Variants in XKR4 observed in about 807,000 individuals in gnomAD.
XKR4 encodes the protein XK related 4.
XKR4 carries 12 observed loss-of-function variants against 53.9 expected under a neutral mutation model. The ratio of observed to expected loss-of-function variants is 0.22; its 90% confidence interval spans 0.14 to 0.36. XKR4 has a LOEUF of 0.36. Ranked by LOEUF, XKR4 falls within the 10% of genes least tolerant of loss-of-function variation. The pLI is 1.00. For synonymous variants in XKR4, 354 were observed against 362.4 expected, an observed-to-expected ratio of 0.98 and a Z score of 0.26; for missense variants, 799 against 859.5, an observed-to-expected ratio of 0.93 and a Z score of 0.88.
chr8:55,359,219 G>A (rs895274800), intron 2 of XKR4, among the ~76,000 whole-genome samples: 12 of 152,200 alleles, frequency 7.9e-5, no homozygotes, highest in Non-Finnish European at 1.0e-4. Context: ...ACTGTTTTTC[G>A]TTGCGTCTGG....
chr8:55,144,520 G>C lies in XKR4; in HGVS notation c.806+41226G>C, dbSNP rs114663242. Reference sequence around the variant, plus strand: ...CGTTGCCATGATGGATTTTGGCCTAGTGCTGTTAGATCTTCCAATTTTTCA... The same window carrying C: ...CGTTGCCATGATGGATTTTGGCCTACTGCTGTTAGATCTTCCAATTTTTCA... On this transcript the variant is annotated intron_variant, in intron 1 of 2. Transcript: ENST00000327381. 3.8e-3 allele frequency among the ~76,000 whole-genome samples: 582 copies of C among 152,252 alleles called. 8 individuals carry two copies. The highest frequency in any genetic ancestry group is 0.014 in the African/African-American group (561 of 41,552).
intron 1 of XKR4, among the ~76,000 whole-genome samples, chr8:55,346,713 G>GTGTGTGTC (rs1401430744): frequency 1.3e-5 from 2 of 149,866 alleles, no homozygotes; most frequent in African/African-American, 4.9e-5. Flanking sequence ...GTGTGTGTGT[G>GTGTGTGTC]TGTGTGTGTG....
At chr8:55,363,804 A>C (rs1366971739) in intron 2 of XKR4, among the ~76,000 whole-genome samples, 1 of 152,150 alleles carries the variant, frequency 6.6e-6, no homozygotes, top group Admixed American at 6.5e-5. Context: ...TCTAGGCTCC[A>C]GGTCCCTCTG....
intron 1 of XKR4, among the ~76,000 whole-genome samples, chr8:55,292,345 G>T (rs1363016585): frequency 1.3e-5 from 2 of 151,830 alleles, no homozygotes; most frequent in African/African-American, 4.8e-5. Flanking sequence ...AAGTTATAGG[G>T]GTATTCAAGT....
chr8:55,274,024 T>C (rs1730360019), intron 1 of XKR4, among the ~76,000 whole-genome samples: 1 of 152,210 alleles, frequency 6.6e-6, no homozygotes, highest in Non-Finnish European at 1.5e-5. Context: ...GGCTTATTTG[T>C]CCAGAGTCAT....
At chr8:55,396,244 T>G (rs1439535908) in intron 2 of XKR4, among the ~76,000 whole-genome samples, 1 of 152,198 alleles carries the variant, frequency 6.6e-6, no homozygotes, top group Non-Finnish European at 1.5e-5. Flanking sequence ...AGGCCTCTTC[T>G]GAGATGCGTG....
intron 2 of XKR4, among the ~76,000 whole-genome samples, chr8:55,424,367 T>C (rs899444653): frequency 2.0e-5 from 3 of 152,272 alleles, no homozygotes; most frequent in Non-Finnish European, 2.9e-5. Context: ...GAATGTGGAC[T>C]TAACGCTTTC....
chr8:55,186,681 TA>T (rs1817383039), intron 1 of XKR4, among the ~76,000 whole-genome samples: 1 of 151,864 alleles, frequency 6.6e-6, no homozygotes, highest in Non-Finnish European at 1.5e-5. Context: ...AATAAATAAT[TA>T]AAAAATTCAA....
At chr8:55,320,555 C>T (rs540121782) in intron 1 of XKR4, among the ~76,000 whole-genome samples, 73 of 152,188 alleles carry the variant, frequency 4.8e-4, no homozygotes, top group African/African-American at 1.7e-3. Flanking sequence ...GCCTTCTTTT[C>T]ACAAAAGTAG....
In XKR4 at chr8:55,178,760, C is replaced by A. The variant is rs150329367; in HGVS notation, c.806+75466C>A. Among the ~76,000 whole-genome samples the A allele has an allele frequency of 3.1e-3, 477 of 152,288 alleles. 2 individuals carry two copies. Among genetic ancestry groups the A allele is most frequent in the African/African-American group, 0.011 (445 of 41,570 alleles). ...AACATAAAAACCAGAGTTGGAAAAA[C>A]CTTTTGGAACTCTTCCATCTCTAAC... On this transcript the variant is annotated intron_variant, in intron 1 of 2. Coordinates refer to ENST00000327381, the MANE Select transcript of XKR4 (RefSeq NM_052898.2).
chr8:55,359,531 T>A (rs1803870090), intron 2 of XKR4, among the ~76,000 whole-genome samples: 1 of 152,136 alleles, frequency 6.6e-6, no homozygotes, highest in Middle Eastern at 3.2e-3. Flanking sequence ...TTAGTGCTCA[T>A]CTCCAGAACA....
intron 1 of XKR4, among the ~76,000 whole-genome samples, chr8:55,352,412 A>C (rs1393075937): frequency 6.6e-6 from 1 of 152,234 alleles, no homozygotes; most frequent in Non-Finnish European, 1.5e-5. Context: ...GAAAGGTTAA[A>C]ACTAAAAGTT....
chr8:55,392,013 C>A (rs1804450126), intron 2 of XKR4, among the ~76,000 whole-genome samples: 1 of 151,962 alleles, frequency 6.6e-6, no homozygotes, highest in African/African-American at 2.4e-5. Context: ...TGTTAGGAAC[C>A]AAGGCTATCA....
intron 1 of XKR4, among the ~76,000 whole-genome samples, chr8:55,123,218 T>TA (rs1157541503): frequency 1.3e-5 from 2 of 152,270 alleles, no homozygotes; most frequent in Non-Finnish European, 2.9e-5. Flanking sequence ...CCATGTCATT[T>TA]AATACATATT....
At chr8:55,325,005 T>C (rs1458932624) in intron 1 of XKR4, among the ~76,000 whole-genome samples, 1 of 152,180 alleles carries the variant, frequency 6.6e-6, no homozygotes. Flanking sequence ...GAATTAAGGA[T>C]CCTTGACAGT....
In XKR4 at chr8:55,307,471, G is replaced by C. The variant is rs144082180; in HGVS notation, c.807-50207G>C. Among the ~76,000 whole-genome samples the C allele has an allele frequency of 1.7e-3, 266 of 152,236 alleles. 1 individual carries two copies. Among genetic ancestry groups the C allele is most frequent in the African/African-American group, 5.3e-3 (219 of 41,546 alleles). ...GTTCAAGACCAGCCTGAGCAATATA[G>C]GGAGACACTATCTTTACAAACAATA... On this transcript the variant is annotated intron_variant, in intron 1 of 2. Transcript: ENST00000327381.
intron 2 of XKR4, among the ~76,000 whole-genome samples, chr8:55,464,194 T>C (rs919322006): frequency 3.9e-5 from 6 of 152,260 alleles, no homozygotes; most frequent in African/African-American, 1.4e-4. Context: ...TTTAGACCAA[T>C]ATCCTTGATG....
chr8:55,135,761 G>A (rs1816619711), intron 1 of XKR4: 5 of 384,354 alleles, frequency 1.3e-5, no homozygotes, highest in Admixed American at 7.6e-5. Context: ...CCAGCAGGCC[G>A]GTGCACTCAC....
rs1468306685 is a variant in XKR4 at position 55,290,172 on chromosome 8, C to A, written c.807-67506C>A. Among the ~76,000 whole-genome samples the A allele has an allele frequency of 3.3e-5, 5 of 151,006 alleles. No individual in the cohort carries two copies. The East Asian group carries it at 9.7e-4, about 29-fold the overall frequency. On this transcript the variant is annotated intron_variant, in intron 1 of 2. Coordinates refer to ENST00000327381, the MANE Select transcript of XKR4 (RefSeq NM_052898.2). ...TGAGATGGAGTCTCACCCTGTCACC[C>A]GGGCTAGAGTGCAGTGGTGCGATCT... is the stretch of plus-strand genomic sequence containing the variant.
Sources: gnomAD v4.1 joint callset for allele counts (sites outside exome capture counted in the v4.1 genomes callset) on GRCh38, gnomAD v4.1.1 for gene constraint, MANE v1.5 for transcripts, NCBI Gene and HGNC (gene_info 2026-07-23, HGNC 2026-07-21) for gene names.